The following CSMD1 variants were observed in gnomAD, a reference collection of about 807,000 sequenced individuals.
CSMD1 encodes the protein CUB and Sushi multiple domains 1.
CSMD1 carries 213 observed loss-of-function variants against 417.5 expected under a neutral mutation model. The ratio of observed to expected loss-of-function variants is 0.51; its 90% CI spans 0.46 to 0.57. The LOEUF (loss-of-function observed/expected upper bound fraction) is 0.57. CSMD1 is among the 20% of genes least tolerant of loss of function. The pLI is 0.00. For missense variants in CSMD1, 6,923 were observed against 4,529.7 expected, an observed-to-expected ratio of 1.53 and a Z score of -15.17; for synonymous variants, 2,862 against 1,736.8, an observed-to-expected ratio of 1.65 and a Z score of -16.11.
intron 1 of CSMD1, among the ~76,000 whole-genome samples, chr8:4,709,739 A>T (rs1808173227): frequency 6.6e-6 from 1 of 152,208 alleles, no homozygotes; most frequent in African/African-American, 2.4e-5. Context: ...GGCTGGGTGC[A>T]GGTGAGCTCC....
At chr8:3,411,816 ACGTGTATATGTATATATG>A (rs1563361340) in intron 12 of CSMD1, among the ~76,000 whole-genome samples, 10 of 124,236 alleles carry the variant, frequency 8.0e-5, no homozygotes, top group African/African-American at 2.7e-4. Flanking sequence ...ACGTATATAT[ACGTGTATATGTATATATG>A]CACGTATATA....
Position 4,676,908 on chromosome 8 carries a change from A to C in CSMD1, c.86-39350T>G, listed in dbSNP as rs548802991. Among the ~76,000 whole-genome samples the C allele has an allele frequency of 2.7e-5, 4 of 149,276 alleles. No individual in the cohort carries two copies. The South Asian group carries it at 8.4e-4, about 31-fold the overall frequency. On this transcript the variant is annotated intron_variant, in intron 1 of 69. Transcript: ENST00000635120. ...TAGAGAGAGATTTTAGATATACAGG[A>C]ATTTTATATACATAGAGAGAGATGA... is the stretch of plus-strand genomic sequence containing the variant.
chr8:3,551,598 T>TA (rs199718196), intron 10 of CSMD1, among the ~76,000 whole-genome samples: 1,914 of 97,470 alleles, frequency 0.02, 36 homozygotes, highest in Admixed American at 0.089. Flanking sequence ...ATATATATAT[T>TA]TTTTTTTTTT....
At chr8:3,798,769 A>G (rs1480515636) in intron 5 of CSMD1, among the ~76,000 whole-genome samples, 1 of 152,016 alleles carries the variant, frequency 6.6e-6, no homozygotes, top group Non-Finnish European at 1.5e-5. Flanking sequence ...AATTTTTTTT[A>G]CTATGTTTGT....
intron 8 of CSMD1, among the ~76,000 whole-genome samples, chr8:3,604,653 G>A (rs1275553205): frequency 3.3e-5 from 5 of 152,160 alleles, no homozygotes; most frequent in African/African-American, 1.2e-4. Context: ...CAAAAAGCAG[G>A]TGGAAATACA....
intron 55 of CSMD1, among the ~76,000 whole-genome samples, chr8:2,977,632 G>A (rs1805039723): frequency 6.6e-6 from 1 of 152,128 alleles, no homozygotes; most frequent in Admixed American, 6.5e-5. Flanking sequence ...TATCCTCAGA[G>A]TGAACACACA....
At chr8:4,097,650 C>T (rs887046388) in intron 3 of CSMD1, among the ~76,000 whole-genome samples, 1 of 152,122 alleles carries the variant, frequency 6.6e-6, no homozygotes. Context: ...AAGTAAAAAA[C>T]TTTAAAAGAT....
At chr8:3,027,567 A>G (rs1810025646) in intron 51 of CSMD1, among the ~76,000 whole-genome samples, 1 of 152,228 alleles carries the variant, frequency 6.6e-6, no homozygotes, top group Admixed American at 6.5e-5. Flanking sequence ...TGCCACGTGT[A>G]CACGATGACA....
intron 37 of CSMD1, among the ~76,000 whole-genome samples, chr8:3,179,999 G>C (rs1319359520): frequency 1.3e-5 from 2 of 152,146 alleles, no homozygotes; most frequent in Non-Finnish European, 2.9e-5. Context: ...AAATATGCAT[G>C]CATTTACATC....
intron 1 of CSMD1, among the ~76,000 whole-genome samples, chr8:4,906,447 G>A (rs1456593733): frequency 6.6e-6 from 1 of 152,130 alleles, no homozygotes; most frequent in Non-Finnish European, 1.5e-5. Flanking sequence ...CAAGGACTGT[G>A]TTCATTAAGT....
chr8:4,575,666 T>A (rs1473633675), intron 2 of CSMD1, among the ~76,000 whole-genome samples: 1 of 152,168 alleles, frequency 6.6e-6, no homozygotes, highest in African/African-American at 2.4e-5. Context: ...GGAATAAAAT[T>A]GTCTAAATAC....
At chr8:4,530,134 C>G (rs1563260405) in intron 2 of CSMD1, among the ~76,000 whole-genome samples, 1 of 151,534 alleles carries the variant, frequency 6.6e-6, no homozygotes, top group South Asian at 2.1e-4. Context: ...AGGATGGTCT[C>G]GATCTCCTGA....
intron 3 of CSMD1, among the ~76,000 whole-genome samples, chr8:4,229,197 C>T (rs1473980166): frequency 6.6e-6 from 1 of 152,178 alleles, no homozygotes. Context: ...TCCTCCTTTT[C>T]TGTCAAATAC....
chr8:4,145,480 C>A (rs1804056672), intron 3 of CSMD1, among the ~76,000 whole-genome samples: 1 of 151,106 alleles, frequency 6.6e-6, no homozygotes, highest in African/African-American at 2.5e-5. Context: ...ATACGGTAAA[C>A]TAGACGGCAT....
intron 5 of CSMD1, among the ~76,000 whole-genome samples, chr8:3,913,182 A>C (rs1190219360): frequency 6.6e-6 from 1 of 152,076 alleles, no homozygotes; most frequent in Non-Finnish European, 1.5e-5. Flanking sequence ...TTGAGTTGAG[A>C]ACCGAATATA....
intron 2 of CSMD1, among the ~76,000 whole-genome samples, chr8:4,474,113 C>T (rs1350549502): frequency 6.6e-6 from 1 of 151,920 alleles, no homozygotes; most frequent in Non-Finnish European, 1.5e-5. Flanking sequence ...CAAAAAGAAA[C>T]TAGAGAGATT....
At chr8:3,197,100 C>G (rs1055310032) in intron 33 of CSMD1, among the ~76,000 whole-genome samples, 1 of 152,180 alleles carries the variant, frequency 6.6e-6, no homozygotes, top group African/African-American at 2.4e-5. Context: ...ATTAAAGAGC[C>G]TCTAGACTTA....
At chr8:3,823,683 G>A (rs1404031406) in intron 5 of CSMD1, among the ~76,000 whole-genome samples, 1 of 151,934 alleles carries the variant, frequency 6.6e-6, no homozygotes, top group Non-Finnish European at 1.5e-5. Context: ...TTATGCAATG[G>A]ATATATGTTT....
chr8:4,565,744 ATATACATATATATATATATAT>A (rs1798569497), intron 2 of CSMD1, among the ~76,000 whole-genome samples: 1 of 84,318 alleles, frequency 1.2e-5, no homozygotes, highest in Non-Finnish European at 2.2e-5. Context: ...TAAAAAAAAT[ATATACATATATATATATATAT>A]ATATATATAT....
Sources: gnomAD v4.1 joint callset for allele counts (sites outside exome capture counted in the v4.1 genomes callset) on GRCh38, gnomAD v4.1.1 for gene constraint, MANE v1.5 for transcripts, NCBI Gene and HGNC (gene_info 2026-07-23, HGNC 2026-07-21) for gene names.